Variants in RFX1 observed in about 807,000 individuals in gnomAD.
RFX1 encodes MHC class II regulatory factor RFX1.
In RFX1, 42 loss-of-function variants were observed where a neutral mutation model predicts 119.6. The observed-to-expected ratio is 0.35, with a 90% CI of 0.27 to 0.45. The LOEUF is 0.45. RFX1 is among the 20% of genes least tolerant of loss of function. The pLI is 1.00. For missense variants in RFX1, 1,118 were observed against 1,368.1 expected, an observed-to-expected ratio of 0.82 and a Z score of 2.88; for synonymous variants, 628 against 618.5, an observed-to-expected ratio of 1.02 and a Z score of -0.23.
At chr19:13,971,150 A>G (rs954970386) in intron 9 of RFX1, among the ~76,000 whole-genome samples, 1 of 152,040 alleles carries the variant, frequency 6.6e-6, no homozygotes, top group Non-Finnish European at 1.5e-5. Flanking sequence ...CCTGGCCAAC[A>G]TGGTGAAACC....
rs768633276 is a variant in RFX1 at position 13,968,516 on chromosome 19, C to G, written c.1732+49G>C. 1 of 1,466,816 alleles carries G rather than the reference C, an allele frequency of 6.8e-7. No homozygotes were observed. The highest frequency in any genetic ancestry group is 9.5e-7 in the Non-Finnish European group (1 of 1,047,632). 90.9% of individuals were successfully genotyped at this position (1,466,816 alleles called of 1,614,324 possible). A position where few individuals can be genotyped will look rare whatever the true frequency, so the allele number is the denominator to read the frequency against. ...CATCCAGCTTTGGGAACCGTCTGCA[C>G]GGGGCAGGGAGGCGGTGGTTGGGGA... On this transcript the variant is annotated intron_variant, in intron 12 of 20. Transcript: ENST00000254325. This position sits in a 1 kb window ranked among gnomAD's most constrained non-coding sequence, Gnocchi z 5.5.
intron 3 of RFX1, 82 bp from the exon 4 acceptor site, chr19:13,983,352 G>A (rs1974490949): frequency 3.1e-6 from 4 of 1,309,544 alleles, no homozygotes; most frequent in Non-Finnish European, 4.2e-6. Flanking sequence ...CGGCTGCTGT[G>A]CACATCTTGA....
At position 13,969,028 on chromosome 19, in the gene RFX1, G is replaced by A. The variant is rs1297331131; in HGVS notation, c.1497-134C>T. On this transcript the variant is annotated intron_variant, in intron 10 of 20. Coordinates refer to ENST00000254325, the MANE Select transcript of RFX1 (RefSeq NM_002918.5). The surrounding 1 kb of genome is among the most constrained non-coding windows in gnomAD (Gnocchi z 4.5). ...AGACGCCTGCCCTGCAGAGACGGGG[G>A]TGCTGCACTGAGGAGGCACAGGGGC... The A allele has an allele frequency of 2.7e-5, 27 of 1,012,660 alleles. No individual in the cohort carries two copies. Among genetic ancestry groups the A allele is most frequent in the Non-Finnish European group, 3.5e-5 (25 of 705,082 alleles). The allele number at this position is 1,012,660 out of a possible 1,614,324, so 62.7% of individuals were successfully genotyped here. A position where few individuals can be genotyped will look rare whatever the true frequency, so the allele number is the denominator to read the frequency against.
intron 1 of RFX1, among the ~76,000 whole-genome samples, chr19:14,003,243 C>A (rs1475071427): frequency 6.6e-6 from 1 of 152,210 alleles, no homozygotes; most frequent in African/African-American, 2.4e-5. Flanking sequence ...ACCTTGGCCT[C>A]TCAAAGTGCT....
chr19:13,961,892 G>C lies in RFX1; in HGVS notation c.*803C>G, dbSNP rs975589073. The C allele has an allele frequency of 6.6e-6, 1 of 152,344 alleles. No individual in the cohort carries two copies. The highest frequency in any genetic ancestry group is 1.5e-5 in the Non-Finnish European group (1 of 68,102). 9.4% of individuals were successfully genotyped at this position (152,344 alleles called of 1,614,324 possible). The stretch of plus-strand genomic sequence containing the variant: ...CTCACGAATCGCACAATAGTCATGG[G>C]GTGGGGGTCGCACGGCACGGAGGAG... On this transcript the variant is annotated 3_prime_UTR_variant, in exon 21 of 21. Transcript: ENST00000254325.
chr19:13,978,225 A>C, intron 7 of RFX1, 139 bp from the exon 8 acceptor site: 4 of 586,298 alleles, frequency 6.8e-6, no homozygotes, highest in East Asian at 2.9e-5. Flanking sequence ...CTCTCAACAA[A>C]ACACCCTGGA....
At chr19:13,978,145 C>G in intron 7 of RFX1, 59 bp from the exon 8 acceptor site, 2 of 1,302,426 alleles carry the variant, frequency 1.5e-6, no homozygotes, top group Non-Finnish European at 2.2e-6. Flanking sequence ...ACGGTTCTCC[C>G]TCTAAAGGGC....
intron 2 of RFX1, among the ~76,000 whole-genome samples, chr19:13,991,619 AG>A (rs1974803983): frequency 6.6e-6 from 1 of 152,188 alleles, no homozygotes; most frequent in African/African-American, 2.4e-5. Flanking sequence ...CCAGGGCTCC[AG>A]CCCCATCTGC....
chr19:13,991,458 G>A (rs969113245), intron 2 of RFX1, among the ~76,000 whole-genome samples: 34 of 152,148 alleles, frequency 2.2e-4, no homozygotes, highest in African/African-American at 7.2e-4. Flanking sequence ...CAGGCGGGGG[G>A]GCACTAAGTG....
rs755993440 is a variant in RFX1 at position 13,993,697 on chromosome 19, G to A, written c.147C>T (p.Thr49=). The A allele has an allele frequency of 5.7e-6, 9 of 1,581,754 alleles. No homozygotes were observed. The African/African-American group carries it at 1.2e-4, about 21-fold the overall frequency. Residue 49 remains threonine (T), a synonymous_variant, in exon 2 of 21, where the codon ACC becomes ACT. Transcript: ENST00000254325. The part of the protein sequence containing the change: ...QPPQPPTAAA[T]PQPQYVTELQ... ...GCTCGGTGACATATTGGGGCTGAGG[G>A]GTGGCAGCAGCGGTGGGTGGCTGCG...
chr19:13,991,406 T>A (rs960633122), intron 2 of RFX1, among the ~76,000 whole-genome samples: 3 of 152,206 alleles, frequency 2.0e-5, no homozygotes, highest in Non-Finnish European at 4.4e-5. Context: ...ACCCTGCCCA[T>A]GACTGCAGCC....
chr19:13,975,361 CAA>C (rs59604119), intron 8 of RFX1, among the ~76,000 whole-genome samples: 14 of 120,296 alleles, frequency 1.2e-4, no homozygotes, highest in East Asian at 2.4e-4. Context: ...AACTCTATCT[CAA>C]AAAAAAAAAA....
In RFX1 at chr19:13,993,676, G is replaced by T; in HGVS notation, c.168C>A (p.Thr56=). 1 of 1,591,494 alleles carries T rather than the reference G, an allele frequency of 6.3e-7. No homozygotes were observed. The highest frequency in any genetic ancestry group is 1.7e-4 in the Middle Eastern group (1 of 5,760). The change falls in exon 2 of 21, where the codon ACC becomes ACA. Residue 56 remains threonine, a synonymous_variant. Coordinates refer to ENST00000254325, the MANE Select transcript of RFX1 (RefSeq NM_002918.5). ...CCTGGGGCTGGGGGCTCTGCAGCTC[G>T]GTGACATATTGGGGCTGAGGGGTGG... The part of the protein sequence containing the change: ...AAATPQPQYV[T]ELQSPQPQAQ...
intron 8 of RFX1, among the ~76,000 whole-genome samples, chr19:13,977,603 G>C (rs1001440899): frequency 1.3e-5 from 2 of 152,004 alleles, no homozygotes; most frequent in Admixed American, 6.6e-5. Context: ...TTTTAGTAGA[G>C]ACAGGGTTTC....
In RFX1 at chr19:13,963,882, G is replaced by T. The variant is rs1379253084; in HGVS notation, c.2337C>A (p.Asn779Lys). ...CCTGCACGTTGGCGAAGTCCACGCG[G>T]TTGAGGTCGCTCAGCATCTGGTTGA... The part of the protein sequence containing the change: ...AQINQMLSDL[N>K]RVDFANVQEQ... Residue 779 changes from asparagine to lysine, a missense_variant, in exon 17 of 21, where the codon AAC (asparagine) becomes AAA (lysine). By Grantham distance (94) the Asn-to-Lys change is moderately conservative. Transcript: ENST00000254325. The T allele has an allele frequency of 7.7e-6, 12 of 1,548,472 alleles. No individual in the cohort carries two copies. Among genetic ancestry groups the T allele is most frequent in the Non-Finnish European group, 1.0e-5 (12 of 1,148,016 alleles).
chr19:13,962,558 G>A lies in RFX1; in HGVS notation c.*137C>T, dbSNP rs1002101109. On this transcript the variant is annotated 3_prime_UTR_variant, in exon 21 of 21. Transcript: ENST00000254325. ...TGTGCCGGCCCCATAAGGGAGGAGG[G>A]CCCCGGTCTTCCCTGTCTCGGAGTC... 25 of 691,616 alleles carry A rather than the reference G, an allele frequency of 3.6e-5. No individual in the cohort carries two copies. Among genetic ancestry groups the A allele is most frequent in the African/African-American group, 2.3e-4 (12 of 52,172 alleles). 42.8% of individuals were successfully genotyped at this position (691,616 alleles called of 1,614,324 possible).
intron 4 of RFX1, 24 bp downstream of exon 4, chr19:13,983,163 G>A: frequency 6.5e-7 from 1 of 1,530,146 alleles, no homozygotes; most frequent in Non-Finnish European, 8.8e-7. Flanking sequence ...CTTCCAGGGT[G>A]GTGGCCAGGT....
In RFX1 at chr19:13,966,619, C is replaced by A; in HGVS notation, c.1851+14G>T. 1 of 1,573,708 alleles carries A rather than the reference C, an allele frequency of 6.4e-7. No homozygotes were observed. The highest frequency in any genetic ancestry group is 8.7e-7 in the Non-Finnish European group (1 of 1,155,092). The stretch of plus-strand genomic sequence containing the variant: ...GCGTCCCCGTCCACTTGCCTGCCCA[C>A]CTGGCCACCCTACCTCACAGTGTTC... On this transcript the variant is annotated intron_variant, in intron 13 of 20. Transcript: ENST00000254325. This position sits in a 1 kb window ranked among gnomAD's most constrained non-coding sequence, Gnocchi z 6.3.
In RFX1 at chr19:13,963,038, A is replaced by G. The variant is rs1973758299; in HGVS notation, c.2726T>C (p.Phe909Ser). Reference protein sequence around the residue: ...GETPIAVMGEFANLATSLNPL... With the variant: ...GETPIAVMGESANLATSLNPL... ...GTTCAGGGAGGTGGCCAGATTGGCG[A>G]ACTGGAGGAAGAAGAGAAGAAAATG... The change falls in exon 20 of 21, where the codon TTC (phenylalanine) becomes TCC (serine). Residue 909 changes from phenylalanine (F) to serine (S), a missense_variant and splice_region_variant. Physicochemically the swap from Phe to Ser is radical, Grantham distance 155 (BLOSUM62 -2). Transcript: ENST00000254325. 6.4e-7 allele frequency: 1 copy of G among 1,565,046 alleles called. No homozygotes were observed. Among genetic ancestry groups the G allele is most frequent in the Admixed American group, 1.9e-5 (1 of 52,128 alleles).
Sources: gnomAD v4.1 joint callset for allele counts (sites outside exome capture counted in the v4.1 genomes callset) on GRCh38, gnomAD v4.1.1 for gene constraint, Gnocchi (gnomAD v3.1) non-coding constraint, MANE v1.5 for transcripts, NCBI Gene and HGNC (gene_info 2026-07-23, HGNC 2026-07-21) for gene names.